The following B4GALT1 variants were observed in gnomAD, a reference collection of about 807,000 sequenced individuals.
B4GALT1 encodes N-acetyllactosamine synthase.
B4GALT1 carries 16 observed loss-of-function variants against 34.9 expected under a neutral mutation model. The observed-to-expected ratio is 0.46, with a 90% CI of 0.31 to 0.70. The LOEUF (loss-of-function observed/expected upper bound fraction) is 0.70, where lower values mean the gene tolerates loss of function less well. B4GALT1 is among the 30% of genes least tolerant of loss of function. The pLI, the probability that B4GALT1 is intolerant of heterozygous loss-of-function variation, is 0.05. For missense variants in B4GALT1, 445 were observed against 530.5 expected (o/e 0.84, Z 1.58); for synonymous variants, 221 against 218.1 (o/e 1.01, Z -0.12).
intron 1 of B4GALT1, among the ~76,000 whole-genome samples, chr9:33,144,939 G>C (rs1028708322): frequency 6.6e-6 from 1 of 152,200 alleles, no homozygotes; most frequent in Non-Finnish European, 1.5e-5. Context: ...AGAGCTGGGA[G>C]CCATCTTGCC....
At position 33,155,279 on chromosome 9, in the gene B4GALT1, C is replaced by T. The variant is rs117240475; in HGVS notation, c.412+11479G>A. On this transcript the variant is annotated intron_variant, in intron 1 of 5. Coordinates refer to ENST00000379731, the MANE Select transcript of B4GALT1 (RefSeq NM_001497.4). ...GGGTCTGGCATCCTGGATTCCAACA[C>T]CAGCCCCGAGGTAGAATAAAGCAGG... is the stretch of plus-strand genomic sequence containing the variant. Among the ~76,000 whole-genome samples the T allele has an allele frequency of 6.8e-4, 103 of 152,282 alleles. No individual in the cohort carries two copies. In the East Asian group the frequency reaches 0.017, roughly 24 times the overall value.
intron 1 of B4GALT1, among the ~76,000 whole-genome samples, chr9:33,143,929 T>C (rs1381592071): frequency 6.6e-6 from 1 of 151,610 alleles, no homozygotes; most frequent in Non-Finnish European, 1.5e-5. Context: ...CCAGGCTGAA[T>C]TGCAGTGGTG....
chr9:33,134,084 A>C (rs1840231786), intron 2 of B4GALT1, among the ~76,000 whole-genome samples: 1 of 152,208 alleles, frequency 6.6e-6, no homozygotes, highest in Non-Finnish European at 1.5e-5. Context: ...CCCACTTGCC[A>C]GAAGTGGGTT....
In B4GALT1 at chr9:33,122,910, G is replaced by A. The variant is rs554681519; in HGVS notation, c.649-2304C>T. Among the ~76,000 whole-genome samples, 166 of 152,232 alleles carry A rather than the reference G, an allele frequency of 1.1e-3. 1 individual carries two copies. Among genetic ancestry groups the A allele is most frequent in the Non-Finnish European group, 2.0e-3 (139 of 68,006 alleles). On this transcript the variant is annotated intron_variant, in intron 2 of 5. Coordinates refer to ENST00000379731, the MANE Select transcript of B4GALT1 (RefSeq NM_001497.4). ...CTGTAATCCCAGCATTAGGGAGGCT[G>A]AGGCGGGCAGATCACTTGAGGTCAG...
At chr9:33,126,667 G>GTTAACATTGTTATCTATT (rs1358355119) in intron 2 of B4GALT1, among the ~76,000 whole-genome samples, 1 of 32,838 alleles carries the variant, frequency 3.0e-5, no homozygotes, top group African/African-American at 6.8e-5. Context: ...ATAGCAATAT[G>GTTAACATTGTTATCTATT]GTAGCTCAGA....
Position 33,113,809 on chromosome 9 carries a change from G to A in B4GALT1, c.1029C>T (p.His343=), listed in dbSNP as rs1839900280. The change falls in exon 5 of 6, where the codon CAC becomes CAT. Residue 343 remains histidine, a synonymous_variant. Coordinates refer to ENST00000379731, the MANE Select transcript of B4GALT1 (RefSeq NM_001497.4). ...AVVGRCRMIR[H]SRDKKNEPNP... is the part of the protein sequence containing the mutation. ...TGGGTTCATTTTTCTTGTCTCTTGA[G>A]TGGCGGATCATGCGACACCTCCCGA... 6.2e-7 allele frequency: 1 copy of A among 1,614,182 alleles called. No homozygotes were observed. Among genetic ancestry groups the A allele is most frequent in the East Asian group, 2.2e-5 (1 of 44,878 alleles).
chr9:33,121,803 T>G (rs1203268014), intron 2 of B4GALT1, among the ~76,000 whole-genome samples: 2 of 152,106 alleles, frequency 1.3e-5, no homozygotes, highest in Non-Finnish European at 2.9e-5. Context: ...AATGAATGAA[T>G]GGGGTTCAAC....
intron 1 of B4GALT1, among the ~76,000 whole-genome samples, chr9:33,156,262 T>C (rs1413403190): frequency 6.6e-6 from 1 of 152,070 alleles, no homozygotes; most frequent in African/African-American, 2.4e-5. Context: ...GCCTCCCAAG[T>C]AGCTGGGACA....
At chr9:33,132,698 GA>G (rs1464278328) in intron 2 of B4GALT1, among the ~76,000 whole-genome samples, 2 of 152,210 alleles carry the variant, frequency 1.3e-5, no homozygotes, top group African/African-American at 4.8e-5. Context: ...TGTATCATAG[GA>G]ATTTAAGCTG....
upstream of B4GALT1, among the ~76,000 whole-genome samples, chr9:33,168,186 T>C (rs1278996713): frequency 6.6e-6 from 1 of 152,192 alleles, no homozygotes; most frequent in African/African-American, 2.4e-5. Flanking sequence ...ATTAAGAAAC[T>C]TTCCTAAGAG....
chr9:33,167,037 G>A lies in B4GALT1; in HGVS notation c.133C>T (p.Arg45Cys), dbSNP rs747439930. The change falls in exon 1 of 6, where the codon CGC (arginine) becomes TGC (cysteine). Residue 45 changes from arginine to cysteine, a missense_variant. By Grantham distance (180) the Arg-to-Cys change is radical. This residue lies in a region of B4GALT1 where 349 missense variants were observed against 395.5 expected (regional missense o/e 0.88). Transcript: ENST00000379731. ...GVTLVYYLAG[R>C]DLSRLPQLVG... ...AGTTGGGGCAGGCGGCTCAGGTCGC[G>A]GCCAGCCAGGTAGTAAACGAGGGTG... The A allele has an allele frequency of 1.9e-6, 3 of 1,599,848 alleles. No homozygotes were observed. Among genetic ancestry groups the A allele is most frequent in the Non-Finnish European group, 2.5e-6 (3 of 1,178,482 alleles).
intron 1 of B4GALT1, among the ~76,000 whole-genome samples, chr9:33,158,375 G>A (rs1325682705): frequency 2.6e-5 from 4 of 152,110 alleles, no homozygotes; most frequent in Non-Finnish European, 5.9e-5. Flanking sequence ...CCTTTCAACT[G>A]CCTCCCTTTG....
At chr9:33,113,641 A>G in intron 5 of B4GALT1, 55 bp from the exon 6 acceptor site, 1 of 1,612,694 alleles carries the variant, frequency 6.2e-7, no homozygotes. Context: ...TTAAGAAGAA[A>G]TCATCACACG....
At chr9:33,129,642 G>C (rs1004716691) in intron 2 of B4GALT1, among the ~76,000 whole-genome samples, 2 of 152,190 alleles carry the variant, frequency 1.3e-5, no homozygotes, top group African/African-American at 4.8e-5. Context: ...GAGGGACTCA[G>C]AGTCCGGGGG....
intron 2 of B4GALT1, among the ~76,000 whole-genome samples, chr9:33,129,560 C>A (rs1047368357): frequency 2.0e-5 from 3 of 152,192 alleles, no homozygotes; most frequent in Non-Finnish European, 4.4e-5. Context: ...GCCCCGTGCT[C>A]CACTCACTGA....
In B4GALT1 at chr9:33,115,987, T is replaced by C. The variant is rs1839932552; in HGVS notation, c.959+4A>G. ...GAGAAAGATATCTAAGTTATGACCA[T>C]TACCTGTTAAAAATGTCATCATCTT... On this transcript the variant is annotated splice_donor_region_variant and intron_variant, in intron 4 of 5. Transcript: ENST00000379731. The C allele has an allele frequency of 6.2e-7, 1 of 1,609,538 alleles. No homozygotes were observed. The highest frequency in any genetic ancestry group is 8.5e-7 in the Non-Finnish European group (1 of 1,176,992).
chr9:33,164,319 C>G (rs954543702), intron 1 of B4GALT1, among the ~76,000 whole-genome samples: 2 of 152,208 alleles, frequency 1.3e-5, no homozygotes, highest in African/African-American at 4.8e-5. Context: ...TCCCCCCACC[C>G]ACACACTCCC....
At chr9:33,113,996 C>T in intron 4 of B4GALT1, 118 bp from the exon 5 acceptor site, 7 of 926,958 alleles carry the variant, frequency 7.6e-6, no homozygotes, top group Non-Finnish European at 1.2e-5. Context: ...ACTCAGCCCA[C>T]AACCCAGCAT....
intron 3 of B4GALT1, among the ~76,000 whole-genome samples, chr9:33,116,474 G>A (rs936522142): frequency 1.0e-4 from 15 of 146,836 alleles, no homozygotes; most frequent in Admixed American, 2.1e-4. Context: ...CACCGGCCTC[G>A]GCCTCCCAAA....
Sources: allele counts gnomAD v4.1 joint callset (sites outside exome capture counted in the v4.1 genomes callset), GRCh38; gene constraint gnomAD v4.1.1; regional missense constraint gnomAD v4.1.1; transcripts MANE v1.5; gene names NCBI Gene and HGNC (gene_info 2026-07-23, HGNC 2026-07-21).